Variants in HSPBAP1 observed in about 807,000 individuals in gnomAD.
HSPBAP1 encodes the protein HSPB1 associated protein 1.
HSPBAP1 carries 27 observed loss-of-function variants against 45.2 expected under a neutral mutation model. That is an observed-to-expected ratio of 0.60 (90% CI 0.44 to 0.82). The LOEUF is 0.82. HSPBAP1 is among the 40% of genes least tolerant of loss of function. The pLI, the probability that HSPBAP1 is intolerant of heterozygous loss-of-function variation, is 0.00. For synonymous variants in HSPBAP1, 204 were observed against 202.7 expected, an observed-to-expected ratio of 1.01 and a Z score of -0.06; for missense variants, 510 against 590.9, an observed-to-expected ratio of 0.86 and a Z score of 1.42.
At chr3:122,774,772 A>C (rs932785401) in intron 2 of HSPBAP1, among the ~76,000 whole-genome samples, 4 of 152,168 alleles carry the variant, frequency 2.6e-5, no homozygotes, top group African/African-American at 9.7e-5. Context: ...GATGCTAGAT[A>C]TTTAGGATGT....
At chr3:122,761,059 ACCCAGCCAGGG>A (rs1236562757) in intron 3 of HSPBAP1, among the ~76,000 whole-genome samples, 4 of 152,208 alleles carry the variant, frequency 2.6e-5, no homozygotes, top group Non-Finnish European at 5.9e-5. Flanking sequence ...AGGGCCCTGC[ACCCAGCCAGGG>A]AGCTTAGGGG....
chr3:122,771,570 A>C (rs1935000838), intron 2 of HSPBAP1, among the ~76,000 whole-genome samples: 1 of 152,220 alleles, frequency 6.6e-6, no homozygotes, highest in Admixed American at 6.5e-5. Context: ...TTTACAAATA[A>C]GAAATACTAC....
intron 2 of HSPBAP1, among the ~76,000 whole-genome samples, chr3:122,776,097 C>T (rs1935184594): frequency 6.6e-6 from 1 of 152,088 alleles, no homozygotes; most frequent in South Asian, 2.1e-4. Context: ...CAGTGGTTGC[C>T]AGGGCCTGGG....
intron 2 of HSPBAP1, among the ~76,000 whole-genome samples, chr3:122,772,599 T>C: frequency 6.6e-6 from 1 of 152,146 alleles, no homozygotes; most frequent in East Asian, 1.9e-4. Context: ...GTAAAAAAAA[T>C]TCATTGACTA....
chr3:122,780,850 G>T, intron 1 of HSPBAP1, among the ~76,000 whole-genome samples: 2 of 142,506 alleles, frequency 1.4e-5, no homozygotes, highest in African/African-American at 5.1e-5. Context: ...GGGCGGCCGG[G>T]CAGAGACGCT....
At chr3:122,752,999 C>A in intron 5 of HSPBAP1, 2 of 1,040,712 alleles carry the variant, frequency 1.9e-6, no homozygotes, top group Admixed American at 5.0e-5. Context: ...AAAATAGTTG[C>A]GTGCATTCTG....
intron 6 of HSPBAP1, among the ~76,000 whole-genome samples, chr3:122,746,914 C>T (rs1052719826): frequency 3.9e-5 from 6 of 151,952 alleles, no homozygotes; most frequent in African/African-American, 7.3e-5. Flanking sequence ...CTCGGCCTCC[C>T]GAGGTGCTGG....
intron 1 of HSPBAP1, among the ~76,000 whole-genome samples, chr3:122,786,656 A>G (rs937185732): frequency 6.6e-6 from 1 of 152,242 alleles, no homozygotes; most frequent in Non-Finnish European, 1.5e-5. Flanking sequence ...GAGACCTCCA[A>G]CACTAAAATT....
chr3:122,747,379 G>C (rs1436167885), intron 6 of HSPBAP1, among the ~76,000 whole-genome samples: 1 of 151,208 alleles, frequency 6.6e-6, no homozygotes, highest in East Asian at 2.0e-4. Context: ...CCTCCGCCTG[G>C]CAACCGCCCC....
chr3:122,767,507 G>T (rs376965658), intron 3 of HSPBAP1, among the ~76,000 whole-genome samples: 1 of 151,884 alleles, frequency 6.6e-6, no homozygotes, highest in Non-Finnish European at 1.5e-5. Context: ...GCAGGGAGTC[G>T]TAATTGCGCC....
Position 122,793,659 on chromosome 3 carries a change from T to G in HSPBAP1, c.22A>C (p.Thr8Pro). ...CCAGCCGCAACGATCACAGGAGTGG[T>G]CGCCTCGGAGCCTGCTGCCATGGCT... MAAGSEA[T>P]TPVIVAAGAG... The change falls in exon 1 of 8, where the codon ACC (threonine) becomes CCC (proline). Residue 8 changes from threonine to proline, a missense_variant. Physicochemically the swap from Thr to Pro is conservative, Grantham distance 38. Coordinates refer to ENST00000306103, the MANE Select transcript of HSPBAP1 (RefSeq NM_024610.6). The G allele has an allele frequency of 6.2e-7, 1 of 1,613,872 alleles. No homozygotes were observed. The highest frequency in any genetic ancestry group is 2.2e-5 in the East Asian group (1 of 44,872).
At chr3:122,775,654 T>A (rs1049395220) in intron 2 of HSPBAP1, among the ~76,000 whole-genome samples, 1 of 152,110 alleles carries the variant, frequency 6.6e-6, no homozygotes, top group African/African-American at 2.4e-5. Context: ...TTGGCAAGGA[T>A]GTGGAAAAAA....
intron 1 of HSPBAP1, among the ~76,000 whole-genome samples, chr3:122,783,870 G>A (rs1422230201): frequency 2.0e-5 from 3 of 150,022 alleles, no homozygotes; most frequent in African/African-American, 2.5e-5. Flanking sequence ...TCGCTCTGTC[G>A]CCCAGGCTGG....
At chr3:122,752,538 A>C (rs1934190360) in intron 6 of HSPBAP1, 53 bp downstream of exon 6, 1 of 1,091,490 alleles carries the variant, frequency 9.2e-7, no homozygotes, top group Non-Finnish European at 1.3e-6. Flanking sequence ...TATATCTTTT[A>C]AAAGCATGAT....
intron 5 of HSPBAP1, chr3:122,753,819 CT>C: frequency 1.0e-6 from 1 of 985,060 alleles, no homozygotes; most frequent in Non-Finnish European, 1.2e-6. Flanking sequence ...ACAGAAAGAG[CT>C]GGGTTTGAGT....
At chr3:122,765,959 G>C (rs1229767452) in intron 3 of HSPBAP1, among the ~76,000 whole-genome samples, 1 of 152,200 alleles carries the variant, frequency 6.6e-6, no homozygotes, top group African/African-American at 2.4e-5. Context: ...TGAAAAGGCT[G>C]TTATTAATAA....
At chr3:122,784,869 T>G (rs1365804223) in intron 1 of HSPBAP1, among the ~76,000 whole-genome samples, 1 of 152,230 alleles carries the variant, frequency 6.6e-6, no homozygotes, top group Non-Finnish European at 1.5e-5. Context: ...TTTAACTGTT[T>G]AATGCTTCAC....
intron 1 of HSPBAP1, among the ~76,000 whole-genome samples, chr3:122,781,192 G>T (rs1260026570): frequency 4.2e-4 from 64 of 151,796 alleles, no homozygotes; most frequent in Non-Finnish European, 7.1e-4. Flanking sequence ...ACTTTGGGAG[G>T]CCAAGGCAGG....
intron 4 of HSPBAP1, 40 bp downstream of exon 4, chr3:122,759,184 T>C (rs963900527): frequency 1.4e-5 from 10 of 705,544 alleles, no homozygotes; most frequent in Admixed American, 1.4e-4. Context: ...ACATGTGCGT[T>C]CCACACACAC....
Sources: allele counts gnomAD v4.1 joint callset (sites outside exome capture counted in the v4.1 genomes callset), GRCh38; gene constraint gnomAD v4.1.1; transcripts MANE v1.5; gene names NCBI Gene and HGNC (gene_info 2026-07-23, HGNC 2026-07-21).